Variants in PDE11A observed in about 807,000 individuals in gnomAD.
PDE11A encodes the protein phosphodiesterase 11A.
Under a neutral mutation model 100.5 loss-of-function variants are expected in PDE11A, and 100 were observed. The ratio of observed to expected loss-of-function variants is 1.00; its 90% confidence interval spans 0.85 to 1.18. The LOEUF is 1.18. Ranked by LOEUF, PDE11A falls within the 50% of genes most tolerant of loss-of-function variation. The pLI is 0.00. For synonymous variants in PDE11A, 381 were observed against 420.8 expected, an observed-to-expected ratio of 0.91 and a Z score of 1.16; for missense variants, 1,141 against 1,152.6, an observed-to-expected ratio of 0.99 and a Z score of 0.15.
intron 9 of PDE11A, among the ~76,000 whole-genome samples, chr2:177,792,544 CATGG>C (rs1237043977): frequency 3.3e-5 from 5 of 152,086 alleles, no homozygotes; most frequent in Non-Finnish European, 5.9e-5. Flanking sequence ...GCAGGAACAC[CATGG>C]AGCATTTTAT....
chr2:177,892,859 T>A (rs761673022), intron 4 of PDE11A, among the ~76,000 whole-genome samples: 35 of 152,212 alleles, frequency 2.3e-4, no homozygotes, highest in Non-Finnish European at 4.4e-4. Flanking sequence ...CCAGCCCTCA[T>A]CTGTTAATGT....
intron 19 of PDE11A, among the ~76,000 whole-genome samples, chr2:177,661,427 T>C (rs765948651): frequency 1.3e-5 from 2 of 152,208 alleles, no homozygotes; most frequent in Non-Finnish European, 1.5e-5. Flanking sequence ...CAAGGTGTTG[T>C]GTCTTCCTAC....
At chr2:178,064,533 T>C (rs1318372723) in intron 1 of PDE11A, among the ~76,000 whole-genome samples, 2 of 152,132 alleles carry the variant, frequency 1.3e-5, no homozygotes, top group African/African-American at 4.8e-5. Context: ...CAGGGGATTG[T>C]TGAGAGGATT....
intron 12 of PDE11A, among the ~76,000 whole-genome samples, chr2:177,722,109 T>TA (rs1226130149): frequency 1.3e-5 from 2 of 152,072 alleles, no homozygotes. Flanking sequence ...ACCAACATCA[T>TA]AAAAATCTCA....
At chr2:177,998,607 T>A (rs2086106115) in intron 2 of PDE11A, 1 of 1,297,800 alleles carries the variant, frequency 7.7e-7, no homozygotes, top group Non-Finnish European at 1.1e-6. Flanking sequence ...TTCTGTAAAA[T>A]GCTTAAAGAA....
At chr2:177,766,120 T>C (rs912622355) in intron 10 of PDE11A, among the ~76,000 whole-genome samples, 1 of 152,090 alleles carries the variant, frequency 6.6e-6, no homozygotes, top group African/African-American at 2.4e-5. Context: ...ACCAGTTTCA[T>C]GGAAGACAAT....
intron 2 of PDE11A, among the ~76,000 whole-genome samples, chr2:177,940,336 T>C (rs2085331611): frequency 2.0e-5 from 3 of 152,228 alleles, no homozygotes; most frequent in Non-Finnish European, 4.4e-5. Context: ...TGTTGGGTTA[T>C]GTTTTTTTGA....
intron 3 of PDE11A, chr2:177,899,362 G>A (rs75712903): frequency 0.011 from 1,911 of 171,128 alleles, 28 homozygotes; most frequent in East Asian, 0.073. Context: ...AGCTGAGATC[G>A]CGCCACTGCA....
At chr2:177,787,600 G>A (rs2105528606) in intron 9 of PDE11A, among the ~76,000 whole-genome samples, 1 of 151,114 alleles carries the variant, frequency 6.6e-6, no homozygotes, top group East Asian at 2.0e-4. Flanking sequence ...TGGCAAATTG[G>A]ATAAAGAGTC....
intron 1 of PDE11A, among the ~76,000 whole-genome samples, chr2:178,055,255 C>A (rs1259239211): frequency 2.6e-5 from 4 of 150,972 alleles, no homozygotes; most frequent in Non-Finnish European, 4.4e-5. Flanking sequence ...GGACAGAAAA[C>A]CAAACATTGC....
chr2:177,951,033 C>G (rs556244972), intron 2 of PDE11A, among the ~76,000 whole-genome samples: 5 of 152,248 alleles, frequency 3.3e-5, no homozygotes, highest in South Asian at 2.1e-4. Context: ...TTGATATATG[C>G]AAACACAACT....
At chr2:177,851,207 TA>T (rs1384105706) in intron 5 of PDE11A, among the ~76,000 whole-genome samples, 4 of 151,998 alleles carry the variant, frequency 2.6e-5, no homozygotes, top group African/African-American at 2.4e-5. Context: ...TATGCAGCCA[TA>T]AAAAAGGATG....
At chr2:177,686,277 A>T (rs1367006459) in intron 15 of PDE11A, among the ~76,000 whole-genome samples, 1 of 152,178 alleles carries the variant, frequency 6.6e-6, no homozygotes. Context: ...GTCAAGAAAA[A>T]CATGAGAGGC....
chr2:177,965,889 G>T (rs1324264507), intron 2 of PDE11A, among the ~76,000 whole-genome samples: 2 of 152,132 alleles, frequency 1.3e-5, no homozygotes, highest in Non-Finnish European at 2.9e-5. Flanking sequence ...TTCTAATTCT[G>T]TGAAAAATGT....
chr2:177,683,463 G>A (rs750696351), intron 15 of PDE11A: 12 of 152,190 alleles, frequency 7.9e-5, no homozygotes, highest in Admixed American at 2.0e-4. Flanking sequence ...ATATTACTGA[G>A]ATAGCCAAGT....
intron 1 of PDE11A, among the ~76,000 whole-genome samples, chr2:178,057,152 T>A (rs2105862447): frequency 6.6e-6 from 1 of 152,338 alleles, no homozygotes. Flanking sequence ...ACTGTTGTGA[T>A]CACTGTCTTT....
intron 9 of PDE11A, among the ~76,000 whole-genome samples, chr2:177,784,884 A>T (rs2082509150): frequency 6.6e-6 from 1 of 152,214 alleles, no homozygotes; most frequent in African/African-American, 2.4e-5. Flanking sequence ...TTGTAGTCTG[A>T]ACTTGTTCTC....
chr2:178,019,745 G>A (rs1395478841), intron 1 of PDE11A, among the ~76,000 whole-genome samples: 1 of 152,162 alleles, frequency 6.6e-6, no homozygotes, highest in Non-Finnish European at 1.5e-5. Context: ...TGAGTCTGTA[G>A]TACTTCCTGA....
At chr2:177,703,628 T>C (rs1434991900) in intron 13 of PDE11A, among the ~76,000 whole-genome samples, 1 of 152,226 alleles carries the variant, frequency 6.6e-6, no homozygotes, top group South Asian at 2.1e-4. Flanking sequence ...GTGTGAATCT[T>C]TTGTATCTAG....
Sources: allele counts gnomAD v4.1 joint callset (sites outside exome capture counted in the v4.1 genomes callset), GRCh38; gene constraint gnomAD v4.1.1; transcripts MANE v1.5; gene names NCBI Gene and HGNC (gene_info 2026-07-23, HGNC 2026-07-21).